FARSB: variants seen among roughly 807,000 people sequenced by gnomAD.
The protein encoded by FARSB is phenylalanyl-tRNA synthetase subunit beta.
In FARSB, 40 loss-of-function variants were observed where a neutral mutation model predicts 69.6. The ratio of observed to expected loss-of-function variants is 0.57; its 90% confidence interval spans 0.45 to 0.75. The LOEUF (loss-of-function observed/expected upper bound fraction) is 0.75, where lower values mean the gene tolerates loss of function less well. Ranked by LOEUF, FARSB falls within the 30% of genes least tolerant of loss-of-function variation. The pLI is 0.00. For missense variants in FARSB, 632 were observed against 722.9 expected, an observed-to-expected ratio of 0.87 and a Z score of 1.44; for synonymous variants, 235 against 247.2, an observed-to-expected ratio of 0.95 and a Z score of 0.46.
In FARSB at chr2:222,648,600, C is replaced by A. The variant is rs1209122872; in HGVS notation, c.114+140G>T. On this transcript the variant is annotated intron_variant, in intron 2 of 16. Coordinates refer to ENST00000281828, the MANE Select transcript of FARSB (RefSeq NM_005687.5). ...CAACAGACAGACATGGAGCTTAGCC[C>A]TCTGAACACAGAAATCATGGCCCAC... The A allele has an allele frequency of 3.8e-5, 26 of 682,580 alleles. No individual in the cohort carries two copies. The East Asian group carries it at 6.4e-4, about 17-fold the overall frequency. The allele number at this position is 682,580 out of a possible 1,614,324, so 42.3% of individuals were successfully genotyped here.
intron 16 of FARSB, among the ~76,000 whole-genome samples, chr2:222,595,349 C>T (rs886382139): frequency 1.3e-5 from 2 of 152,142 alleles, no homozygotes; most frequent in African/African-American, 4.8e-5. Context: ...GGAAACATCA[C>T]AATTTCACCC....
At chr2:222,579,489 T>C (rs977508996) in intron 16 of FARSB, among the ~76,000 whole-genome samples, 19 of 152,314 alleles carry the variant, frequency 1.2e-4, no homozygotes, top group African/African-American at 7.2e-5. Flanking sequence ...CACAGGTACT[T>C]GTATGAATAA....
intron 16 of FARSB, among the ~76,000 whole-genome samples, chr2:222,585,064 G>A (rs866430916): frequency 9.9e-5 from 15 of 152,196 alleles, no homozygotes; most frequent in Non-Finnish European, 1.8e-4. Context: ...CCTGACCCCC[G>A]AGTAACCTAA....
intron 1 of FARSB, 108 bp downstream of exon 1, chr2:222,655,908 G>T: frequency 1.1e-6 from 1 of 916,160 alleles, no homozygotes; most frequent in East Asian, 2.7e-5. Flanking sequence ...CCGGCCTCCC[G>T]GAGCCAAAAC....
At chr2:222,578,068 C>T (rs1330761653) in intron 16 of FARSB, among the ~76,000 whole-genome samples, 1 of 152,194 alleles carries the variant, frequency 6.6e-6, no homozygotes, top group Admixed American at 6.5e-5. Context: ...AAAGTACCCT[C>T]ACTGTCAGTC....
intron 1 of FARSB, among the ~76,000 whole-genome samples, chr2:222,655,638 C>T (rs1692154201): frequency 6.6e-6 from 1 of 152,206 alleles, no homozygotes; most frequent in Non-Finnish European, 1.5e-5. Flanking sequence ...ATCTCTCCTC[C>T]TACCCCCTTA....
chr2:222,605,892 A>C (rs1473096461), intron 15 of FARSB, among the ~76,000 whole-genome samples: 1 of 152,190 alleles, frequency 6.6e-6, no homozygotes, highest in Non-Finnish European at 1.5e-5. Context: ...AGCTATGATC[A>C]TGCCTGAGTG....
intron 1 of FARSB, among the ~76,000 whole-genome samples, chr2:222,653,311 T>A (rs1420569701): frequency 2.0e-5 from 3 of 151,920 alleles, no homozygotes; most frequent in Non-Finnish European, 4.4e-5. Context: ...TGGGGACTGG[T>A]AGAAACAATG....
chr2:222,640,984 A>AATAATTAC, intron 3 of FARSB, 53 bp from the exon 4 acceptor site: 1 of 904,992 alleles, frequency 1.1e-6, no homozygotes, highest in East Asian at 2.8e-5. Flanking sequence ...CATTATATAA[A>AATAATTAC]ATAATTACAT....
intron 13 of FARSB, among the ~76,000 whole-genome samples, chr2:222,620,515 T>C (rs559849956): frequency 6.6e-6 from 1 of 152,304 alleles, no homozygotes; most frequent in African/African-American, 2.4e-5. Flanking sequence ...GCAGAAGTTA[T>C]GAAATTAAAA....
At position 222,642,904 on chromosome 2, in the gene FARSB, A is replaced by G; in HGVS notation, c.216T>C (p.Tyr72=). 4 of 1,613,194 alleles carry G rather than the reference A, an allele frequency of 2.5e-6. No homozygotes were observed. The highest frequency in any genetic ancestry group is 2.2e-5 in the East Asian group (1 of 44,864). The stretch of plus-strand genomic sequence containing the variant: ...CCAATCCTTCCAGACACAGGAGATC[A>G]TATCTATTGGCAGGGACGTCAATTT... ...LYKIDVPANR[Y]DLLCLEGLVR... The change falls in exon 3 of 17, where the codon TAT becomes TAC. Residue 72 remains tyrosine, a synonymous_variant. Coordinates refer to ENST00000281828, the MANE Select transcript of FARSB (RefSeq NM_005687.5).
Position 222,599,949 on chromosome 2 carries a change from A to G in FARSB, c.1597T>C (p.Tyr533His). Residue 533 changes from tyrosine (Y) to histidine (H), a missense_variant, in exon 16 of 17, where the codon TAT (tyrosine) becomes CAT (histidine). Coordinates refer to ENST00000281828, the MANE Select transcript of FARSB (RefSeq NM_005687.5). ...DVPPGEDKGG[Y>H]VIKASEGPAF... ...TTACCTTCTGATGCTTTGATCACATATCCCCCCTTGTCTTCACCAGGAGGC... is the reference window on the plus strand; with the variant it reads ...TTACCTTCTGATGCTTTGATCACATGTCCCCCCTTGTCTTCACCAGGAGGC... 1 of 1,601,598 alleles carries G rather than the reference A, an allele frequency of 6.2e-7. No homozygotes were observed. Among genetic ancestry groups the G allele is most frequent in the Non-Finnish European group, 8.5e-7 (1 of 1,177,062 alleles).
Position 222,570,637 on chromosome 2 carries a change from C to T in FARSB, c.*1234G>A, listed in dbSNP as rs752649571. On this transcript the variant is annotated 3_prime_UTR_variant, in exon 17 of 17. Transcript: ENST00000281828. ...CTCCTGGTTCAAGAGATTTTCCTGA[C>T]TCAGCCTCCCAGGTAGCTGGGACTG... 1 of 152,044 alleles carries T rather than the reference C, an allele frequency of 6.6e-6. No homozygotes were observed. Among genetic ancestry groups the T allele is most frequent in the Non-Finnish European group, 1.5e-5 (1 of 68,026 alleles). The allele number at this position is 152,044 out of a possible 1,614,324, so 9.4% of individuals were successfully genotyped here.
At chr2:222,579,301 GGTTT>G (rs1441313555) in intron 16 of FARSB, among the ~76,000 whole-genome samples, 1 of 152,112 alleles carries the variant, frequency 6.6e-6, no homozygotes, top group Non-Finnish European at 1.5e-5. Flanking sequence ...AACTTCTTCT[GGTTT>G]ACAATTAAAT....
At chr2:222,641,069 G>T in intron 3 of FARSB, 138 bp from the exon 4 acceptor site, 80 of 312,796 alleles carry the variant, frequency 2.6e-4, no homozygotes, top group East Asian at 3.4e-4. Context: ...AATTTTGGCT[G>T]AACACTAAAA....
intron 5 of FARSB, among the ~76,000 whole-genome samples, chr2:222,635,523 C>G (rs1030257789): frequency 6.6e-6 from 1 of 152,160 alleles, no homozygotes; most frequent in Non-Finnish European, 1.5e-5. Context: ...AAACCCAGAA[C>G]TATCATAGGA....
At chr2:222,594,406 T>C (rs916230404) in intron 16 of FARSB, among the ~76,000 whole-genome samples, 2 of 152,170 alleles carry the variant, frequency 1.3e-5, no homozygotes, top group Non-Finnish European at 2.9e-5. Context: ...CCAGCAGATA[T>C]AAAGTGAAAT....
chr2:222,627,375 A>G (rs911055744), intron 10 of FARSB, among the ~76,000 whole-genome samples: 2 of 152,326 alleles, frequency 1.3e-5, no homozygotes, highest in Non-Finnish European at 2.9e-5. Context: ...AGCCTGCTAT[A>G]TGATGAGGGA....
chr2:222,606,668 G>A (rs1349581484), intron 15 of FARSB, among the ~76,000 whole-genome samples: 1 of 152,202 alleles, frequency 6.6e-6, no homozygotes, highest in Non-Finnish European at 1.5e-5. Flanking sequence ...AAAGAAAAAG[G>A]AGTGGTACAT....
Sources: allele counts gnomAD v4.1 joint callset (sites outside exome capture counted in the v4.1 genomes callset), GRCh38; gene constraint gnomAD v4.1.1; transcripts MANE v1.5; gene names NCBI Gene and HGNC (gene_info 2026-07-23, HGNC 2026-07-21).